The following PRELID2 variants were observed in gnomAD, a reference collection of about 807,000 sequenced individuals.
PRELID2 encodes PRELI domain-containing protein 2.
PRELID2 carries 25 observed loss-of-function variants against 28.4 expected under a neutral mutation model. The observed-to-expected ratio is 0.88, with a 90% confidence interval of 0.64 to 1.23. The LOEUF is 1.23. Among genes scored for constraint, PRELID2 ranks in the 50% most tolerant of loss-of-function variants. The probability of loss-of-function intolerance (pLI) is 0.00; values close to 1 mark genes in which losing one functional copy is unlikely to be tolerated. For missense variants in PRELID2, 201 were observed against 214.4 expected (o/e 0.94, Z 0.39); for synonymous variants, 76 against 71.6 (o/e 1.06, Z -0.31).
At position 145,579,013 on chromosome 5, in the gene PRELID2, C is replaced by T. The variant is rs141946387; in HGVS notation, n.71-105698G>A. ...TCAGATCACTGGGTTCTAGCTCTGT[C>T]CTGATACTCATCAGTTGTATGGGCC... On this transcript the variant is annotated intron_variant and non_coding_transcript_variant, in intron 1 of 2. Transcript: ENST00000510259. 5.8e-4 allele frequency among the ~76,000 whole-genome samples: 88 copies of T among 152,120 alleles called. 1 individual carries two copies. The East Asian group carries it at 0.015, about 25-fold the overall frequency.
chr5:145,331,448 G>T, the PRELID2 span, among the ~76,000 whole-genome samples: 6 of 152,092 alleles, frequency 3.9e-5, no homozygotes, highest in African/African-American at 7.2e-5. Flanking sequence ...ATGAATCTGG[G>T]TGCTCCTGTA....
At chr5:145,229,395 G>A in the PRELID2 span, 1 of 748,810 alleles carries the variant, frequency 1.3e-6, no homozygotes, top group Non-Finnish European at 2.4e-6. Context: ...TACAAGGCTG[G>A]AATCCTGGAG....
At chr5:145,497,254 A>T (rs1752317179) in intron 1 of PRELID2, among the ~76,000 whole-genome samples, 1 of 152,212 alleles carries the variant, frequency 6.6e-6, no homozygotes, top group Admixed American at 6.5e-5. Context: ...GTGCTTTTGT[A>T]GTACAGTATT....
At chr5:145,419,192 G>A in the PRELID2 span, among the ~76,000 whole-genome samples, 426 of 150,328 alleles carry the variant, frequency 2.8e-3, 1 homozygote, top group Non-Finnish European at 5.0e-3. Flanking sequence ...ATAAGCATAC[G>A]TGTGCATGTG....
the PRELID2 span, among the ~76,000 whole-genome samples, chr5:145,349,245 C>A: frequency 2.6e-5 from 4 of 152,012 alleles, no homozygotes; most frequent in African/African-American, 9.7e-5. Context: ...ACTAAACCCC[C>A]TTTTTGAAAT....
chr5:145,286,722 TTG>T, the PRELID2 span, among the ~76,000 whole-genome samples: 53 of 129,348 alleles, frequency 4.1e-4, no homozygotes, highest in African/African-American at 1.8e-3. Flanking sequence ...GTTTGTTTGT[TTG>T]TTTTTTTTTT....
chr5:145,636,378 G>A (rs62392264), intron 1 of PRELID2, among the ~76,000 whole-genome samples: 6,051 of 152,242 alleles, frequency 0.04, 249 homozygotes, highest in African/African-American at 0.1. Flanking sequence ...ATCCAAGCTT[G>A]TATCTAAAGA....
At chr5:145,301,949 T>TTTTG in the PRELID2 span, among the ~76,000 whole-genome samples, 4 of 136,856 alleles carry the variant, frequency 2.9e-5, no homozygotes, top group Non-Finnish European at 3.1e-5. Context: ...TTTTTTTTTT[T>TTTTG]GCTAACTCTG....
intron 4 of PRELID2, among the ~76,000 whole-genome samples, chr5:145,810,453 T>C (rs777871539): frequency 2.6e-5 from 4 of 152,200 alleles, no homozygotes; most frequent in Non-Finnish European, 1.5e-5. Context: ...ATACTATTCT[T>C]TCCAGAGCTT....
intron 1 of PRELID2, among the ~76,000 whole-genome samples, chr5:145,724,504 C>A (rs918050581): frequency 2.0e-5 from 3 of 149,070 alleles, no homozygotes; most frequent in African/African-American, 7.4e-5. Flanking sequence ...GATAATAATA[C>A]TGAATCAATG....
At chr5:145,753,090 T>A (rs111519852), downstream of PRELID2, among the ~76,000 whole-genome samples, 4,918 of 152,310 alleles carry the variant, frequency 0.032, 109 homozygotes, top group Non-Finnish European at 0.05. Flanking sequence ...GATCTAAAAG[T>A]TTATCCTGGC....
At chr5:145,416,482 C>A in the PRELID2 span, among the ~76,000 whole-genome samples, 1 of 151,872 alleles carries the variant, frequency 6.6e-6, no homozygotes, top group Non-Finnish European at 1.5e-5. Context: ...GAACAGGCAA[C>A]CTACAAAATG....
the PRELID2 span, among the ~76,000 whole-genome samples, chr5:145,435,226 G>C: frequency 6.6e-6 from 1 of 152,162 alleles, no homozygotes; most frequent in Non-Finnish European, 1.5e-5. Flanking sequence ...AGAAAAATTA[G>C]AGTAACTTGA....
At chr5:145,376,496 G>T in the PRELID2 span, among the ~76,000 whole-genome samples, 1 of 152,022 alleles carries the variant, frequency 6.6e-6, no homozygotes, top group Admixed American at 6.6e-5. Flanking sequence ...TTGTACATCT[G>T]GTAGAATTCA....
chr5:145,754,915 G>T (rs532213788), downstream of PRELID2, among the ~76,000 whole-genome samples: 1 of 152,100 alleles, frequency 6.6e-6, no homozygotes, highest in Non-Finnish European at 1.5e-5. Context: ...CATCTCAGTT[G>T]GTTCAACTTA....
the PRELID2 span, among the ~76,000 whole-genome samples, chr5:145,341,930 A>C: frequency 6.6e-6 from 1 of 152,230 alleles, no homozygotes; most frequent in African/African-American, 2.4e-5. Flanking sequence ...GATAAAATGC[A>C]AAAGGATCTT....
chr5:145,299,644 C>CGTGTGTGTGT, the PRELID2 span, among the ~76,000 whole-genome samples: 1,585 of 109,400 alleles, frequency 0.014, 25 homozygotes, highest in African/African-American at 0.027. Flanking sequence ...TATGTGTGTG[C>CGTGTGTGTGT]GTGTGTGTGT....
At position 145,632,564 on chromosome 5, in the gene PRELID2, C is replaced by A. The variant is rs543013987; in HGVS notation, n.70+132367G>T. ...TCTACCTGCTCAGGGAAAGGTAGGACTGAGAATGTACCCATTTTGCAAATT... is the reference window on the plus strand; with the variant it reads ...TCTACCTGCTCAGGGAAAGGTAGGAATGAGAATGTACCCATTTTGCAAATT... On this transcript the variant is annotated intron_variant and non_coding_transcript_variant, in intron 1 of 2. Coordinates refer to the PRELID2 transcript ENST00000510259. Among the ~76,000 whole-genome samples, 6 of 152,232 alleles carry A rather than the reference C, an allele frequency of 3.9e-5. No individual in the cohort carries two copies. In the South Asian group the frequency reaches 1.0e-3, roughly 26 times the overall value.
chr5:145,781,623 CTA>C (rs534122019), intron 5 of PRELID2, among the ~76,000 whole-genome samples: 2 of 142,552 alleles, frequency 1.4e-5, no homozygotes, highest in African/African-American at 2.6e-5. Context: ...TATATATATA[CTA>C]TATATATACA....
Sources: allele counts gnomAD v4.1 joint callset (sites outside exome capture counted in the v4.1 genomes callset), GRCh38; gene constraint gnomAD v4.1.1; transcripts MANE v1.5; gene names NCBI Gene and HGNC (gene_info 2026-07-23, HGNC 2026-07-21).